The following ADAMTSL3 variants were observed in gnomAD, a reference collection of about 807,000 sequenced individuals.
The protein encoded by ADAMTSL3 is ADAMTS like 3, also known as ADAMTS-like protein 3.
ADAMTSL3 carries 128 observed loss-of-function variants against 201.7 expected under a neutral mutation model. That is an observed-to-expected ratio of 0.63 (90% CI 0.55 to 0.73). The LOEUF (loss-of-function observed/expected upper bound fraction) is 0.73, where lower values mean the gene tolerates loss of function less well. Ranked by LOEUF, ADAMTSL3 falls within the 30% of genes least tolerant of loss-of-function variation. The pLI is 0.00. For synonymous variants in ADAMTSL3, 738 were observed against 748.4 expected (o/e 0.99, Z 0.23); for missense variants, 1,990 against 2,119.6 (o/e 0.94, Z 1.20).
At chr15:83,828,406 T>C (rs1240210515) in intron 6 of ADAMTSL3, among the ~76,000 whole-genome samples, 4 of 152,260 alleles carry the variant, frequency 2.6e-5, no homozygotes, top group Non-Finnish European at 5.9e-5. Context: ...AAGTTGCCTA[T>C]CAGCTTAAGG....
chr15:83,828,657 G>C (rs1309771030), intron 6 of ADAMTSL3, among the ~76,000 whole-genome samples: 3 of 152,166 alleles, frequency 2.0e-5, no homozygotes, highest in Non-Finnish European at 4.4e-5. Flanking sequence ...GATATTGGCT[G>C]TGGGTTTGTC....
intron 7 of ADAMTSL3, among the ~76,000 whole-genome samples, chr15:83,854,925 T>G (rs2064699844): frequency 6.6e-6 from 1 of 152,202 alleles, no homozygotes; most frequent in Non-Finnish European, 1.5e-5. Context: ...ATTGCCTTGG[T>G]TTCTAGAGCA....
chr15:83,796,777 A>G (rs1261971356), intron 4 of ADAMTSL3, among the ~76,000 whole-genome samples: 1 of 152,186 alleles, frequency 6.6e-6, no homozygotes, highest in African/African-American at 2.4e-5. Context: ...AGTTTGGTAT[A>G]TATTGAAAGT....
intron 23 of ADAMTSL3, among the ~76,000 whole-genome samples, chr15:83,998,827 T>C (rs1368068087): frequency 6.6e-6 from 1 of 152,190 alleles, no homozygotes; most frequent in Admixed American, 6.5e-5. Context: ...AAATAAAATC[T>C]TGAGAATTAA....
chr15:83,660,067 G>A (rs181328959), intron 2 of ADAMTSL3, among the ~76,000 whole-genome samples: 34 of 152,260 alleles, frequency 2.2e-4, no homozygotes, highest in African/African-American at 8.2e-4. Context: ...GGATGTCAGG[G>A]GTGGGCTTTG....
chr15:83,921,168 G>T (rs1526080), intron 16 of ADAMTSL3, among the ~76,000 whole-genome samples: 1 of 151,944 alleles, frequency 6.6e-6, no homozygotes, highest in Admixed American at 6.5e-5. Context: ...ACAAATTCTA[G>T]TGTGTGGAGT....
intron 23 of ADAMTSL3, among the ~76,000 whole-genome samples, chr15:84,011,843 G>A (rs182113205): frequency 6.6e-6 from 1 of 152,242 alleles, no homozygotes; most frequent in African/African-American, 2.4e-5. Context: ...CTTGTTTACT[G>A]CAACAACAAA....
At chr15:83,655,586 G>T (rs1048997545) in intron 1 of ADAMTSL3, 143 bp from the exon 2 acceptor site, 7 of 623,008 alleles carry the variant, frequency 1.1e-5, no homozygotes, top group Non-Finnish European at 2.0e-5. Flanking sequence ...CCTGCAGTAG[G>T]CAGCGGCAAC....
Position 83,858,687 on chromosome 15 carries a change from C to G in ADAMTSL3, c.728-79C>G, listed in dbSNP as rs1596322173. On this transcript the variant is annotated intron_variant, in intron 7 of 29. Transcript: ENST00000286744. The stretch of plus-strand genomic sequence containing the variant: ...AGTTAAGAATATTTTGCAGACGCCC[C>G]CAGTTTTGATTGACTTGCTCATTTT... 2.7e-6 allele frequency: 3 copies of G among 1,128,404 alleles called. No individual in the cohort carries two copies. The East Asian group carries it at 7.2e-5, about 27-fold the overall frequency. The allele number at this position is 1,128,404 out of a possible 1,614,324, so 69.9% of individuals were successfully genotyped here. A position where few individuals can be genotyped will look rare whatever the true frequency, so the allele number is the denominator to read the frequency against.
At chr15:83,849,478 A>T (rs2064565581) in intron 7 of ADAMTSL3, among the ~76,000 whole-genome samples, 1 of 152,192 alleles carries the variant, frequency 6.6e-6, no homozygotes. Flanking sequence ...AAAATATAGG[A>T]TTTCAAAGCA....
At chr15:83,676,158 C>T (rs895377189) in intron 2 of ADAMTSL3, among the ~76,000 whole-genome samples, 3 of 150,072 alleles carry the variant, frequency 2.0e-5, no homozygotes, top group African/African-American at 7.3e-5. Context: ...CTCTGTTTTC[C>T]ATTTTCTTGG....
At position 83,958,624 on chromosome 15, in the gene ADAMTSL3, A is replaced by G. The variant is rs146588453; in HGVS notation, c.2491-11860A>G. ...CATCTGCAAACCTCCAAAAAGATAC[A>G]GTAAGATAAAAGTATCAATAGCATA... On this transcript the variant is annotated intron_variant, in intron 19 of 29. Transcript: ENST00000286744. Among the ~76,000 whole-genome samples, 284 of 152,362 alleles carry G rather than the reference A, an allele frequency of 1.9e-3. 1 individual carries two copies. Among genetic ancestry groups the G allele is most frequent in the Admixed American group, 5.0e-3 (77 of 15,302 alleles).
rs75353799 is a variant in ADAMTSL3 at position 83,754,165 on chromosome 15, C to T, written c.190-19358C>T. On this transcript the variant is annotated intron_variant, in intron 3 of 29. Transcript: ENST00000286744. ...AGTAGCACCTCCCTCTCCTCAGTTGCAACAACCATAAATGTCTCCAGGCAT... is the reference window on the plus strand; with the variant it reads ...AGTAGCACCTCCCTCTCCTCAGTTGTAACAACCATAAATGTCTCCAGGCAT... 6.6e-3 allele frequency among the ~76,000 whole-genome samples: 1,000 copies of T among 152,262 alleles called. 9 individuals are homozygous for T. The highest frequency in any genetic ancestry group is 0.01 in the Non-Finnish European group (707 of 68,008).
rs757818243 is a variant in ADAMTSL3, at chr15:83,913,223, G to T, written c.1832G>T (p.Gly611Val). ...ETELPEEECE[G>V]PKLPTERPCL... ...GAGCTGCCCGAGGAAGAGTGTGAAG[G>T]CCCCAAGCTGCCCACCGAACGGCCC... The change falls in exon 16 of 30, where the codon GGC becomes GTC. Residue 611 changes from glycine (G) to valine (V), a missense_variant. Coordinates refer to ENST00000286744, the MANE Select transcript of ADAMTSL3 (RefSeq NM_207517.3). The T allele has an allele frequency of 6.8e-5, 110 of 1,613,920 alleles. No individual in the cohort carries two copies. The highest frequency in any genetic ancestry group is 8.7e-5 in the Non-Finnish European group (103 of 1,180,024).
At chr15:84,027,943 A>G (rs973594219) in intron 27 of ADAMTSL3, among the ~76,000 whole-genome samples, 14 of 152,224 alleles carry the variant, frequency 9.2e-5, no homozygotes, top group East Asian at 1.9e-4. Context: ...ATATGCTACA[A>G]TAGAGCTAAA....
rs201816199 is a variant in ADAMTSL3, at chr15:83,885,222, A to C, written c.1072+10A>C. ...GTGACGTGTGGAGGAGGTGAGGCCC[A>C]GGCTTTGTTCATGAATATTTAGAGC... On this transcript the variant is annotated intron_variant, in intron 10 of 29. Transcript: ENST00000286744. 4.7e-4 allele frequency: 749 copies of C among 1,588,254 alleles called. No individual in the cohort carries two copies. Among genetic ancestry groups the C allele is most frequent in the Non-Finnish European group, 6.1e-4 (701 of 1,157,064 alleles).
At chr15:83,704,965 AGTGTGTGTGTGT>A (rs10536633) in intron 3 of ADAMTSL3, among the ~76,000 whole-genome samples, 52 of 147,666 alleles carry the variant, frequency 3.5e-4, no homozygotes, top group African/African-American at 1.2e-3. Flanking sequence ...TATGTCTGTG[AGTGTGTGTGTGT>A]GTGTGTGTGT....
At position 83,991,270 on chromosome 15, in the gene ADAMTSL3, C is replaced by A. The variant is rs1331138063; in HGVS notation, c.3973+56C>A. 141 of 1,606,824 alleles carry A rather than the reference C, an allele frequency of 8.8e-5. 1 individual carries two copies. Among genetic ancestry groups the A allele is most frequent in the Non-Finnish European group, 1.2e-4 (138 of 1,175,138 alleles). On this transcript the variant is annotated intron_variant, in intron 23 of 29. Transcript: ENST00000286744. ...TTCAGTGGGAGGTAAGTGTGGCCAT[C>A]CCAGTGTTGCCAGGAAACACCAGCT... is the stretch of plus-strand genomic sequence containing the variant.
At chr15:83,827,120 T>C (rs1389302756) in intron 6 of ADAMTSL3, among the ~76,000 whole-genome samples, 5 of 152,268 alleles carry the variant, frequency 3.3e-5, no homozygotes, top group African/African-American at 9.6e-5. Context: ...AGTTTACAGT[T>C]CCACCAACAG....
Sources: gnomAD v4.1 joint callset for allele counts (sites outside exome capture counted in the v4.1 genomes callset) on GRCh38, gnomAD v4.1.1 for gene constraint, MANE v1.5 for transcripts, NCBI Gene and HGNC (gene_info 2026-07-23, HGNC 2026-07-21) for gene names.